DNAI3: variants seen among roughly 807,000 people sequenced by gnomAD.
DNAI3 encodes dynein axonemal intermediate chain 3.
In DNAI3, 83 loss-of-function variants were observed where a neutral mutation model predicts 115.5. The ratio of observed to expected loss-of-function variants is 0.72; its 90% CI spans 0.60 to 0.86. The LOEUF (loss-of-function observed/expected upper bound fraction) is 0.86. DNAI3 is among the 40% of genes least tolerant of loss of function. DNAI3 has a pLI of 0.00. For synonymous variants in DNAI3, 320 were observed against 347.0 expected, an observed-to-expected ratio of 0.92 and a Z score of 0.86; for missense variants, 1,004 against 1,075.8, an observed-to-expected ratio of 0.93 and a Z score of 0.93.
chr1:85,094,105 CTCTT>C (rs1571174560), intron 9 of DNAI3: 1 of 411,516 alleles, frequency 2.4e-6, no homozygotes, highest in South Asian at 2.2e-5. Flanking sequence ...GGTATTTGTC[CTCTT>C]TCTTCCTCCT....
intron 3 of DNAI3, among the ~76,000 whole-genome samples, chr1:85,074,143 C>G (rs1007618936): frequency 3.3e-5 from 5 of 152,176 alleles, no homozygotes; most frequent in Non-Finnish European, 7.4e-5. Flanking sequence ...AAATATATCT[C>G]AAACCCATCT....
intron 2 of DNAI3, among the ~76,000 whole-genome samples, chr1:85,072,431 C>G (rs1040343981): frequency 2.0e-5 from 3 of 151,798 alleles, no homozygotes; most frequent in Non-Finnish European, 2.9e-5. Context: ...ATCACGAGGT[C>G]AGGAGTTCGA....
Position 85,071,948 on chromosome 1 carries a change from C to G in DNAI3, c.7C>G (p.Pro3Ala), listed in dbSNP as rs148724953. 12,688 of 1,611,320 alleles carry G rather than the reference C, an allele frequency of 7.9e-3. 68 individuals are homozygous for G. The highest frequency in any genetic ancestry group is 9.5e-3 in the Non-Finnish European group (11,188 of 1,179,280). ...TGCAGCCCAAGTCAGAACCATGGCT[C>G]CAAAACAAAAGAAAAAGACATCACG... MAPKQKKKTSRGK... is the reference protein window; with the variant it reads MAAKQKKKTSRGK... The change falls in exon 2 of 23, where the codon CCA (proline) becomes GCA (alanine). Residue 3 changes from proline (P) to alanine (A), a missense_variant. This residue lies in a region of DNAI3 where 550 missense variants were observed against 568.1 expected (regional missense o/e 0.97). Transcript: ENST00000294664.
In DNAI3 at chr1:85,117,740, G is replaced by A. The variant is rs770543816; in HGVS notation, c.1798G>A (p.Ala600Thr). ...LLCKTQDKML[A>T]QSKTEKAEEM... ...CACTCCTCTGAAAGACAAAATGTTA[G>A]CACAGAGCAAAACAGAGAAGGCAGA... Residue 600 changes from alanine to threonine, a missense_variant, in exon 17 of 23, where the codon GCA becomes ACA. Coordinates refer to ENST00000294664, the MANE Select transcript of DNAI3 (RefSeq NM_145172.5). The A allele has an allele frequency of 6.2e-7, 1 of 1,613,522 alleles. No individual in the cohort carries two copies. Among genetic ancestry groups the A allele is most frequent in the Admixed American group, 1.7e-5 (1 of 60,008 alleles).
At chr1:85,098,233 T>G (rs1655185194) in intron 12 of DNAI3, among the ~76,000 whole-genome samples, 1 of 152,196 alleles carries the variant, frequency 6.6e-6, no homozygotes, top group Admixed American at 6.5e-5. Flanking sequence ...AATGGTGAGA[T>G]GCAGCCTTCT....
Position 85,126,649 on chromosome 1 carries a change from G to A in DNAI3, c.2251G>A (p.Glu751Lys), listed in dbSNP as rs755204971. The A allele has an allele frequency of 1.2e-5, 20 of 1,613,976 alleles. No individual in the cohort carries two copies. In the Admixed American group the frequency reaches 3.3e-4, roughly 27 times the overall value. ...CTGGGACCTTCTGGAGAAAACCCATGAACCAGCCCAGTCTCAAAACATTTG... is the reference window on the plus strand; with the variant it reads ...CTGGGACCTTCTGGAGAAAACCCATAAACCAGCCCAGTCTCAAAACATTTG... ...DIWDLLEKTH[E>K]PAQSQNICIT... Residue 751 changes from glutamate (E) to lysine (K), a missense_variant, in exon 20 of 23, where the codon GAA becomes AAA. Glu to Lys is a moderately conservative substitution (Grantham distance 56). This residue lies in a region of DNAI3 where 429 missense variants were observed against 454.3 expected (regional missense o/e 0.94). Coordinates refer to ENST00000294664, the MANE Select transcript of DNAI3 (RefSeq NM_145172.5).
intron 19 of DNAI3, among the ~76,000 whole-genome samples, chr1:85,125,140 G>T (rs1009687546): frequency 2.3e-4 from 35 of 152,068 alleles, no homozygotes; most frequent in African/African-American, 8.0e-4. Flanking sequence ...GCAAGGGTGT[G>T]GGGGAATCAG....
chr1:85,128,681 T>G (rs1656221244), intron 20 of DNAI3, 27 bp from the exon 21 acceptor site: 1 of 1,575,840 alleles, frequency 6.3e-7, no homozygotes, highest in African/African-American at 1.4e-5. Context: ...GCTGATTTTT[T>G]CCTCCCATTT....
intron 8 of DNAI3, 83 bp downstream of exon 8, chr1:85,090,315 C>G: frequency 1.5e-6 from 1 of 649,810 alleles, no homozygotes; most frequent in Non-Finnish European, 2.4e-6. Context: ...ATAAACAATT[C>G]CATATAGGGT....
Position 85,128,782 on chromosome 1 carries a change from C to A in DNAI3, c.2392C>A (p.Arg798Ser). ...ATTAGAAATTCCTTGGACATTAAGT[C>A]GCCCTTCCACCAATGAGGTTAGTAA... ...HILEIPWTLSRPSTNEMASVN... is the reference protein window; with the variant it reads ...HILEIPWTLSSPSTNEMASVN... Residue 798 changes from arginine to serine, a missense_variant, in exon 21 of 23, where the codon CGC becomes AGC. By Grantham distance (110) the Arg-to-Ser change is moderately radical. This residue lies in a region of DNAI3 where 429 missense variants were observed against 454.3 expected (regional missense o/e 0.94). Transcript: ENST00000294664. 6.2e-7 allele frequency: 1 copy of A among 1,613,114 alleles called. No homozygotes were observed. The highest frequency in any genetic ancestry group is 1.1e-5 in the South Asian group (1 of 90,834).
chr1:85,119,887 A>G (rs1655940433), intron 17 of DNAI3, among the ~76,000 whole-genome samples: 1 of 152,062 alleles, frequency 6.6e-6, no homozygotes, highest in Admixed American at 6.6e-5. Context: ...TTTAGTAAAG[A>G]CAGTGTTTCA....
At chr1:85,062,873 G>A (rs1174951083) in intron 1 of DNAI3, among the ~76,000 whole-genome samples, 1 of 152,162 alleles carries the variant, frequency 6.6e-6, no homozygotes, top group Non-Finnish European at 1.5e-5. Context: ...ATCCGTCTAG[G>A]GGCGGGGGTC....
intron 18 of DNAI3, among the ~76,000 whole-genome samples, chr1:85,122,773 A>G (rs1656028166): frequency 6.6e-6 from 1 of 152,188 alleles, no homozygotes; most frequent in African/African-American, 2.4e-5. Flanking sequence ...TTCAGAAAAC[A>G]TTAGTATAAA....
chr1:85,081,471 T>C, intron 4 of DNAI3, 56 bp downstream of exon 4: 1 of 1,455,104 alleles, frequency 6.9e-7, no homozygotes, highest in Non-Finnish European at 9.1e-7. Flanking sequence ...TCCTGGTACA[T>C]AATAACAAAA....
intron 17 of DNAI3, among the ~76,000 whole-genome samples, chr1:85,120,048 T>C (rs2100610163): frequency 6.6e-6 from 1 of 152,360 alleles, no homozygotes; most frequent in East Asian, 1.9e-4. Context: ...TTGGAGGCCT[T>C]GCCCTACTTG....
chr1:85,104,213 C>T (rs1405710871), intron 13 of DNAI3, among the ~76,000 whole-genome samples: 4 of 151,398 alleles, frequency 2.6e-5, no homozygotes, highest in Non-Finnish European at 5.9e-5. Flanking sequence ...CTCCACCTCC[C>T]GGGTTCACGC....
At chr1:85,132,507 T>C (rs1442635094) in intron 22 of DNAI3, among the ~76,000 whole-genome samples, 1 of 152,168 alleles carries the variant, frequency 6.6e-6, no homozygotes, top group African/African-American at 2.4e-5. Context: ...AGCTATGCCA[T>C]CCATATGGAC....
At chr1:85,093,741 T>TAAG in intron 9 of DNAI3, 93 bp downstream of exon 9, 1 of 1,453,168 alleles carries the variant, frequency 6.9e-7, no homozygotes. Flanking sequence ...TCAATGTCAA[T>TAAG]AAGACACCTT....
Position 85,084,679 on chromosome 1 carries a change from C to T in DNAI3, c.524C>T (p.Thr175Met), listed in dbSNP as rs751993966. 69 of 1,530,588 alleles carry T rather than the reference C, an allele frequency of 4.5e-5. No homozygotes were observed. In the East Asian group the frequency reaches 6.3e-4, roughly 14 times the overall value. 94.8% of individuals were successfully genotyped at this position (1,530,588 alleles called of 1,614,324 possible). Residue 175 changes from threonine to methionine, a missense_variant, in exon 6 of 23, where the codon ACG becomes ATG. Thr to Met is a moderately conservative substitution (Grantham distance 81). Around this residue, in one of 3 missense-constraint regions of DNAI3, gnomAD observed 550 missense variants for 568.1 expected, o/e 0.97. Transcript: ENST00000294664. ...AAAGAAATTGAGGAAGAATCAGTTACGGAATCTACAAAGCAGGTTAGAGGG... is the reference window on the plus strand; with the variant it reads ...AAAGAAATTGAGGAAGAATCAGTTATGGAATCTACAAAGCAGGTTAGAGGG... ...SEKEIEEESV[T>M]ESTKQITYMI...
Sources: allele counts gnomAD v4.1 joint callset (sites outside exome capture counted in the v4.1 genomes callset), GRCh38; gene constraint gnomAD v4.1.1; regional missense constraint gnomAD v4.1.1; transcripts MANE v1.5; gene names NCBI Gene and HGNC (gene_info 2026-07-23, HGNC 2026-07-21).